Variants in BRF1 observed in about 807,000 individuals in gnomAD.
The protein encoded by BRF1 is transcription factor IIIB 90 kDa subunit.
BRF1 carries 59 observed loss-of-function variants against 81.7 expected under a neutral mutation model. That is an observed-to-expected ratio of 0.72 (90% CI 0.59 to 0.90). The LOEUF (loss-of-function observed/expected upper bound fraction) is 0.90, where lower values mean the gene tolerates loss of function less well. Among genes scored for constraint, BRF1 ranks in the 40% least tolerant of loss-of-function variants. The pLI is 0.00. For missense variants in BRF1, 1,050 were observed against 936.3 expected (o/e 1.12, Z -1.58); for synonymous variants, 491 against 395.6 (o/e 1.24, Z -2.86).
rs190759410 is a variant in BRF1 at position 105,286,063 on chromosome 14, C to T, written c.265+233G>A. On this transcript the variant is annotated intron_variant, in intron 2 of 17. Transcript: ENST00000547530. ...AGGCCATCAAGCAATGGCTGTGGAT[C>T]CTGTGGGATCCACTGGGTTCTCCCC... is the stretch of plus-strand genomic sequence containing the variant. Among the ~76,000 whole-genome samples, 670 of 152,342 alleles carry T rather than the reference C, an allele frequency of 4.4e-3. 2 individuals are homozygous for T. The highest frequency in any genetic ancestry group is 6.9e-3 in the Non-Finnish European group (472 of 68,026).
intron 5 of BRF1, chr14:105,248,805 G>A (rs1270473909): frequency 8.1e-6 from 8 of 983,044 alleles, no homozygotes; most frequent in East Asian, 1.1e-4. Flanking sequence ...GCCCCGGCGC[G>A]GCGCGAGGGC....
At chr14:105,304,929 T>C (rs12100909), upstream of BRF1, among the ~76,000 whole-genome samples, 17,621 of 152,202 alleles carry the variant, frequency 0.12, 3,257 homozygotes, top group African/African-American at 0.39. Context: ...CCCTCCACAA[T>C]ATGTGGGAAT....
intron 2 of BRF1, among the ~76,000 whole-genome samples, chr14:105,282,849 C>G (rs1383839288): frequency 1.3e-5 from 2 of 152,182 alleles, no homozygotes; most frequent in Non-Finnish European, 2.9e-5. Context: ...AGGAGAGTAG[C>G]TTGAACCCAG....
intron 1 of BRF1, among the ~76,000 whole-genome samples, chr14:105,313,361 G>T (rs920897904): frequency 6.6e-6 from 1 of 152,170 alleles, no homozygotes; most frequent in Non-Finnish European, 1.5e-5. Context: ...CTGTCTCAAA[G>T]GTATGAGATC....
At chr14:105,258,716 T>G in intron 3 of BRF1, among the ~76,000 whole-genome samples, 1 of 147,790 alleles carries the variant, frequency 6.8e-6, no homozygotes, top group East Asian at 2.0e-4. Context: ...GGAGAATTGC[T>G]TGAACCCAGG....
chr14:105,226,344 C>T (rs1287671748), intron 8 of BRF1, 54 bp from the exon 9 acceptor site: 1 of 1,612,030 alleles, frequency 6.2e-7, no homozygotes, highest in Non-Finnish European at 8.5e-7. Flanking sequence ...GTGCACAGCG[C>T]AGCCTCTGGG....
In BRF1 at chr14:105,221,648, T is replaced by C; in HGVS notation, c.1315A>G (p.Lys439Glu). The change falls in exon 11 of 18, where the codon AAA (lysine) becomes GAA (glutamate). Residue 439 changes from lysine to glutamate, a missense_variant and splice_region_variant. Lys to Glu is a moderately conservative substitution (Grantham distance 56). Around this residue, in one of 2 missense-constraint regions of BRF1, gnomAD observed 1,043 missense variants for 915.4 expected, o/e 1.14. Transcript: ENST00000547530. ...CCCCCAGGGCCCCATCAGAACTCACTGGGGTCGCTGCTCTGAGAGGAGATG... is the reference window on the plus strand; with the variant it reads ...CCCCCAGGGCCCCATCAGAACTCACCGGGGTCGCTGCTCTGAGAGGAGATG... ...ECISSQSSDP[K>E]DASGDGELDL... 17 of 1,606,598 alleles carry C rather than the reference T, an allele frequency of 1.1e-5. No homozygotes were observed. The highest frequency in any genetic ancestry group is 1.4e-5 in the Non-Finnish European group (17 of 1,177,952).
At chr14:105,255,811 T>C (rs1159494934) in intron 4 of BRF1, among the ~76,000 whole-genome samples, 1 of 152,146 alleles carries the variant, frequency 6.6e-6, no homozygotes, top group African/African-American at 2.4e-5. Flanking sequence ...GACTGTAATA[T>C]AAGATTTTTC....
At chr14:105,221,134 G>A (rs1892216715) in intron 11 of BRF1, among the ~76,000 whole-genome samples, 1 of 152,268 alleles carries the variant, frequency 6.6e-6, no homozygotes, top group Admixed American at 6.5e-5. Context: ...AGCCAGGGAA[G>A]CCTGTCCTGG....
chr14:105,215,919 G>T (rs1459987593), intron 15 of BRF1, among the ~76,000 whole-genome samples: 1 of 89,250 alleles, frequency 1.1e-5, no homozygotes, highest in South Asian at 3.7e-4. Context: ...TGCATACGCA[G>T]ACAGGCACAC....
At chr14:105,240,982 G>C (rs116138860) in intron 6 of BRF1, among the ~76,000 whole-genome samples, 30 of 152,322 alleles carry the variant, frequency 2.0e-4, no homozygotes, top group African/African-American at 6.5e-4. Flanking sequence ...GGGCAGGGAT[G>C]CCCATGCAGC....
chr14:105,283,564 A>G (rs2140461370), intron 2 of BRF1, among the ~76,000 whole-genome samples: 1 of 152,342 alleles, frequency 6.6e-6, no homozygotes, highest in Admixed American at 6.5e-5. Context: ...GGGAGCATGT[A>G]TGTTCCAATT....
chr14:105,248,966 C>G (rs946780280), intron 5 of BRF1: 2 of 980,272 alleles, frequency 2.0e-6, no homozygotes, highest in Admixed American at 6.3e-5. Context: ...CCGGGCCGCG[C>G]AGCCCGCCCA....
At chr14:105,217,010 G>A (rs1189822172) in intron 15 of BRF1, among the ~76,000 whole-genome samples, 1 of 152,188 alleles carries the variant, frequency 6.6e-6, no homozygotes, top group Non-Finnish European at 1.5e-5. Flanking sequence ...CACAGAGGCC[G>A]ACCCACTCCA....
rs946578221 is a variant in BRF1, at chr14:105,241,207, G to A, written c.694+58C>T. On this transcript the variant is annotated intron_variant, in intron 6 of 17. Coordinates refer to ENST00000547530, the MANE Select transcript of BRF1 (RefSeq NM_001519.4). ...CAGCCCACCAGCACTCAGGAGTCAG[G>A]AAAGTGTGAGGCCAGGACCCAGACC... The A allele has an allele frequency of 6.9e-6, 11 of 1,592,168 alleles. No homozygotes were observed. In the East Asian group the frequency reaches 2.2e-4, roughly 32 times the overall value.
At chr14:105,249,382 C>T (rs1172159764) in intron 5 of BRF1, 1 of 1,612,336 alleles carries the variant, frequency 6.2e-7, no homozygotes, top group East Asian at 2.2e-5. Flanking sequence ...GTCGGCAGCT[C>T]CGTCTTCTAT....
intron 12 of BRF1, chr14:105,219,796 G>A (rs1260980001): frequency 9.2e-6 from 5 of 546,140 alleles, no homozygotes; most frequent in South Asian, 4.4e-5. Context: ...CTATTTGTGC[G>A]ATGTGTGCCT....
At chr14:105,295,136 G>A (rs2057680392) in intron 1 of BRF1, among the ~76,000 whole-genome samples, 1 of 151,824 alleles carries the variant, frequency 6.6e-6, no homozygotes, top group South Asian at 2.1e-4. Context: ...AAAACTACAG[G>A]CCAATATCCC....
At chr14:105,251,341 C>T (rs1376813311) in intron 5 of BRF1, among the ~76,000 whole-genome samples, 1 of 152,190 alleles carries the variant, frequency 6.6e-6, no homozygotes, top group East Asian at 1.9e-4. Context: ...ACCTCAGAGT[C>T]CTACCCTATG....
Sources: allele counts gnomAD v4.1 joint callset (sites outside exome capture counted in the v4.1 genomes callset), GRCh38; gene constraint gnomAD v4.1.1; regional missense constraint gnomAD v4.1.1; transcripts MANE v1.5; gene names NCBI Gene and HGNC (gene_info 2026-07-23, HGNC 2026-07-21).